Variants in TBX10 observed in about 807,000 individuals in gnomAD.
The protein encoded by TBX10 is T-box transcription factor 10, also known as T-box transcription factor TBX10.
In TBX10, 26 loss-of-function variants were observed where a neutral mutation model predicts 32.4. The observed-to-expected ratio is 0.80, with a 90% CI of 0.59 to 1.11. The LOEUF (loss-of-function observed/expected upper bound fraction) is 1.11, where lower values mean the gene tolerates loss of function less well. Among genes scored for constraint, TBX10 ranks in the 50% most tolerant of loss-of-function variants. The probability of loss-of-function intolerance (pLI) is 0.00; values close to 1 mark genes in which losing one functional copy is unlikely to be tolerated. For missense variants in TBX10, 490 were observed against 494.5 expected (o/e 0.99, Z 0.09); for synonymous variants, 195 against 203.1 (o/e 0.96, Z 0.34).
chr11:67,639,053 G>C (rs949361151), intron 1 of TBX10, among the ~76,000 whole-genome samples: 4 of 152,208 alleles, frequency 2.6e-5, no homozygotes, highest in Admixed American at 1.3e-4. Flanking sequence ...TCTGGTGGGG[G>C]GAGCCTGTCC....
chr11:67,632,542 C>G (rs1299388737), intron 6 of TBX10, 61 bp downstream of exon 6: 24 of 1,600,992 alleles, frequency 1.5e-5, no homozygotes, highest in Non-Finnish European at 1.9e-5. Context: ...GGGTCAGGAA[C>G]TGAGGCCTTA....
In TBX10 at chr11:67,634,834, A is replaced by AG; in HGVS notation, c.358dup (p.Leu120ProfsTer50). The AG allele has an allele frequency of 6.2e-7, 1 of 1,613,512 alleles. No individual in the cohort carries two copies. The highest frequency in any genetic ancestry group is 8.5e-7 in the Non-Finnish European group (1 of 1,180,020). On this transcript the variant is annotated frameshift_variant, in exon 3 of 8. Coordinates refer to ENST00000335385, the MANE Select transcript of TBX10 (RefSeq NM_005995.5). LOFTEE classifies it high-confidence loss of function. ...CCCGCACCTGTATCTCTTGTCGTCC[A>AG]GGGGGATGAAGTCCATGAGCAGGGC...
intron 4 of TBX10, 75 bp downstream of exon 4, chr11:67,634,093 CAGGCAGAGGTGCTGGGCACCA>C: frequency 6.4e-7 from 1 of 1,554,022 alleles, no homozygotes; most frequent in Non-Finnish European, 8.8e-7. Flanking sequence ...CCATCAGCAG[CAGGCAGAGGTGCTGGGCACCA>C]AGGCCATTGG....
upstream of TBX10, among the ~76,000 whole-genome samples, chr11:67,640,101 C>T (rs1230378880): frequency 6.6e-6 from 1 of 151,940 alleles, no homozygotes; most frequent in Non-Finnish European, 1.5e-5. Flanking sequence ...CTGGCCCCAG[C>T]CGGCCGGCAG....
chr11:67,633,195 C>A, intron 4 of TBX10, 92 bp from the exon 5 acceptor site: 3 of 1,495,926 alleles, frequency 2.0e-6, no homozygotes, highest in Middle Eastern at 1.9e-4. Context: ...CGGGAGACTG[C>A]CCTGGGCCTG....
intron 1 of TBX10, among the ~76,000 whole-genome samples, chr11:67,638,232 A>AATAAATAAAT (rs1855357125): frequency 6.6e-6 from 1 of 151,458 alleles, no homozygotes; most frequent in Non-Finnish European, 1.5e-5. Context: ...TAAATAAATA[A>AATAAATAAAT]ATAAATATAA....
chr11:67,631,494 A>T lies in TBX10; in HGVS notation c.*111T>A, dbSNP rs368650048. The T allele has an allele frequency of 1.6e-4, 218 of 1,397,644 alleles. 3 individuals carry two copies. In the African/African-American group the frequency reaches 2.6e-3, roughly 17 times the overall value. 86.6% of individuals were successfully genotyped at this position (1,397,644 alleles called of 1,614,324 possible). A position where few individuals can be genotyped will look rare whatever the true frequency, so the allele number is the denominator to read the frequency against. On this transcript the variant is annotated 3_prime_UTR_variant, in exon 8 of 8. Coordinates refer to ENST00000335385, the MANE Select transcript of TBX10 (RefSeq NM_005995.5). ...AGCCTCTTTCTCTAGACTTTCACCT[A>T]CCCTGCTCTCCTTGAGACAGAGATG...
At chr11:67,640,522 C>T (rs1855390991), upstream of TBX10, among the ~76,000 whole-genome samples, 1 of 152,212 alleles carries the variant, frequency 6.6e-6, no homozygotes. Flanking sequence ...TCTGGCCTGA[C>T]CGGGCACCCT....
At chr11:67,636,977 T>A (rs1221368976) in intron 1 of TBX10, among the ~76,000 whole-genome samples, 1 of 152,224 alleles carries the variant, frequency 6.6e-6, no homozygotes, top group Admixed American at 6.5e-5. Context: ...ATGGGGTCCA[T>A]CCGTGCAAGG....
Position 67,633,099 on chromosome 11 carries a change from A to C in TBX10, c.554T>G (p.Ile185Ser). 1 of 1,613,934 alleles carries C rather than the reference A, an allele frequency of 6.2e-7. No individual in the cohort carries two copies. The highest frequency in any genetic ancestry group is 8.5e-7 in the Non-Finnish European group (1 of 1,179,856). The change falls in exon 5 of 8, where the codon ATT becomes AGT. Residue 185 changes from isoleucine (I) to serine (S), a missense_variant. Physicochemically the swap from Ile to Ser is moderately radical, Grantham distance 142. This residue lies in a region of TBX10 where 307 missense variants were observed against 294.9 expected (regional missense o/e 1.04). Transcript: ENST00000335385. ...CTGGTAGCGGTGCATAGAGTTGAGA[A>C]TGATCTGTGGAAGGGACAGAGCAGG... ...NNLLDDNGHI[I>S]LNSMHRYQPR...
At position 67,634,349 on chromosome 11, in the gene TBX10, T is replaced by C. The variant is rs1386599245; in HGVS notation, c.389A>G (p.His130Arg). The C allele has an allele frequency of 8.1e-6, 13 of 1,603,616 alleles. No individual in the cohort carries two copies. The highest frequency in any genetic ancestry group is 1.1e-5 in the Non-Finnish European group (13 of 1,179,792). Residue 130 changes from histidine (H) to arginine (R), a missense_variant, in exon 4 of 8, where the codon CAC becomes CGC. By Grantham distance (29) the His-to-Arg change is conservative. This residue lies in a region of TBX10 where 307 missense variants were observed against 294.9 expected (regional missense o/e 1.04). Transcript: ENST00000335385. ...LDDKRYRYAFHSSAWLVAGKA... is the reference protein window; with the variant it reads ...LDDKRYRYAFRSSAWLVAGKA... ...GCCCGCCACCAGCCAGGCCGAGCTG[T>C]GGAAGGCATACCTGGGGAGCACAGC...
rs1565232901 is a variant in TBX10, at chr11:67,631,839, C to T, written c.924G>A (p.Gln308=). The T allele has an allele frequency of 1.3e-6, 2 of 1,582,126 alleles. No homozygotes were observed. Among genetic ancestry groups the T allele is most frequent in the Middle Eastern group, 1.7e-4 (1 of 5,984 alleles). The change falls in exon 8 of 8, where the codon CAG becomes CAA. Residue 308 remains glutamine, a synonymous_variant. Coordinates refer to ENST00000335385, the MANE Select transcript of TBX10 (RefSeq NM_005995.5). Reference sequence around the variant, plus strand: ...GCAGGACCTCAGGTGGGGGCAGCAGCTGATGATGGAGCCAAGCAGGGGTCT... The same window carrying T: ...GCAGGACCTCAGGTGGGGGCAGCAGTTGATGATGGAGCCAAGCAGGGGTCT... ...TSKTPAWLHH[Q]LLPPPEVLLA... is the part of the protein sequence containing the mutation.
rs943262112 is a variant in TBX10, at chr11:67,631,503, T to C, written c.*102A>G. The stretch of plus-strand genomic sequence containing the variant: ...CTCTAGACTTTCACCTACCCTGCTC[T>C]CCTTGAGACAGAGATGGGGCTGGAG... On this transcript the variant is annotated 3_prime_UTR_variant, in exon 8 of 8. Coordinates refer to ENST00000335385, the MANE Select transcript of TBX10 (RefSeq NM_005995.5). 4.8e-6 allele frequency: 7 copies of C among 1,445,530 alleles called. No individual in the cohort carries two copies. In the African/African-American group the frequency reaches 8.4e-5, roughly 17 times the overall value. The allele number at this position is 1,445,530 out of a possible 1,614,324, so 89.5% of individuals were successfully genotyped here. A position where few individuals can be genotyped will look rare whatever the true frequency, so the allele number is the denominator to read the frequency against.
chr11:67,636,529 C>CCCAGA (rs1555030311), intron 1 of TBX10, among the ~76,000 whole-genome samples: 28,154 of 151,064 alleles, frequency 0.19, 2,745 homozygotes, highest in Non-Finnish European at 0.23. Flanking sequence ...TTATTTTTTT[C>CCCAGA]CAGAGTCTTG....
Position 67,631,429 on chromosome 11 carries a change from G to T in TBX10, c.*176C>A. 1 of 784,274 alleles carries T rather than the reference G, an allele frequency of 1.3e-6. No homozygotes were observed. The highest frequency in any genetic ancestry group is 2.0e-6 in the Non-Finnish European group (1 of 502,044). 48.6% of individuals were successfully genotyped at this position (784,274 alleles called of 1,614,324 possible). On this transcript the variant is annotated 3_prime_UTR_variant, in exon 8 of 8. Coordinates refer to ENST00000335385, the MANE Select transcript of TBX10 (RefSeq NM_005995.5). ...TGGGAGATAGAAGTCCTGGTTCCAA[G>T]CTTGCCATGGTCCCAGCCTTGCTGT...
Position 67,635,026 on chromosome 11 carries a change from C to A in TBX10, c.245G>T (p.Gly82Val). 1.9e-6 allele frequency: 3 copies of A among 1,613,734 alleles called. No individual in the cohort carries two copies. The South Asian group carries it at 3.3e-5, about 18-fold the overall frequency. The change falls in exon 2 of 8, where the codon GGC becomes GTC. Residue 82 changes from glycine (G) to valine (V), a missense_variant. Transcript: ENST00000335385. ...KPLWEEFNQL[G>V]TEMIVTKAGR... ...TGCCTTGGTGACGATCATCTCAGTG[C>A]CCAGCTGGTTGAATTCCTCCCACAG...
chr11:67,639,481 A>T lies in TBX10; in HGVS notation c.-9T>A. The T allele has an allele frequency of 1.2e-6, 2 of 1,605,174 alleles. No homozygotes were observed. The highest frequency in any genetic ancestry group is 4.5e-5 in the East Asian group (2 of 44,186). ...CGTAGCCTACCTGCCATGGAGACAG[A>T]GAGGCTGTCCGGCTCCTGGAGAAAC... On this transcript the variant is annotated 5_prime_UTR_variant, in exon 1 of 8. Transcript: ENST00000335385.
Position 67,631,504 on chromosome 11 carries a change from C to T in TBX10, c.*101G>A. The T allele has an allele frequency of 2.1e-6, 3 of 1,454,114 alleles. No individual in the cohort carries two copies. The South Asian group carries it at 3.7e-5, about 18-fold the overall frequency. The allele number at this position is 1,454,114 out of a possible 1,614,324, so 90.1% of individuals were successfully genotyped here. A position where few individuals can be genotyped will look rare whatever the true frequency, so the allele number is the denominator to read the frequency against. On this transcript the variant is annotated 3_prime_UTR_variant, in exon 8 of 8. Transcript: ENST00000335385. ...TCTAGACTTTCACCTACCCTGCTCT[C>T]CTTGAGACAGAGATGGGGCTGGAGG...
At chr11:67,632,572 G>A (rs768821625) in intron 6 of TBX10, 31 bp downstream of exon 6, 46 of 1,611,614 alleles carry the variant, frequency 2.9e-5, no homozygotes, top group Non-Finnish European at 3.7e-5. Context: ...TGGGGTGGGG[G>A]TGAGGGGCTA....
Sources: gnomAD v4.1 joint callset for allele counts (sites outside exome capture counted in the v4.1 genomes callset) on GRCh38, gnomAD v4.1.1 for gene constraint, gnomAD v4.1.1 regional missense constraint, MANE v1.5 for transcripts, NCBI Gene and HGNC (gene_info 2026-07-23, HGNC 2026-07-21) for gene names.